The following DNM2 variants were observed in gnomAD, a reference collection of about 807,000 sequenced individuals.
DNM2 encodes dynamin-2.
Under a neutral mutation model 99.0 loss-of-function variants are expected in DNM2, and 15 were observed. The ratio of observed to expected loss-of-function variants is 0.15; its 90% CI spans 0.10 to 0.23. DNM2 has a LOEUF of 0.23. DNM2 is among the 10% of genes least tolerant of loss of function. DNM2 has a pLI of 1.00. For synonymous variants in DNM2, 525 were observed against 481.2 expected, an observed-to-expected ratio of 1.09 and a Z score of -1.19; for missense variants, 742 against 1,189.4, an observed-to-expected ratio of 0.62 and a Z score of 5.53.
At chr19:10,754,240 T>C (rs937598401) in intron 1 of DNM2, among the ~76,000 whole-genome samples, 1 of 152,060 alleles carries the variant, frequency 6.6e-6, no homozygotes, top group Non-Finnish European at 1.5e-5. Context: ...TTCAGTTAGA[T>C]ATAGTTAATC....
At chr19:10,782,889 T>C in intron 5 of DNM2, 71 bp from the exon 6 acceptor site, 1 of 1,606,452 alleles carries the variant, frequency 6.2e-7, no homozygotes. Context: ...TACTTGAATC[T>C]TGCCCATCCC....
At chr19:10,747,193 G>T (rs1009940645) in intron 1 of DNM2, among the ~76,000 whole-genome samples, 1 of 152,130 alleles carries the variant, frequency 6.6e-6, no homozygotes, top group African/African-American at 2.4e-5. Context: ...TCGATGGGGC[G>T]AATGTTCTCT....
intron 10 of DNM2, 59 bp from the exon 11 acceptor site, chr19:10,798,427 A>G: frequency 1.3e-6 from 2 of 1,486,888 alleles, no homozygotes; most frequent in African/African-American, 1.4e-5. Context: ...TGTGTGGTTC[A>G]TGTTGCTTCC....
intron 14 of DNM2, chr19:10,810,587 C>T (rs2072506195): frequency 6.6e-6 from 1 of 152,406 alleles, no homozygotes; most frequent in Non-Finnish European, 1.5e-5. Context: ...GCCCTGTGCT[C>T]CAGCTCTGAC....
At chr19:10,749,537 A>G (rs1302218959) in intron 1 of DNM2, among the ~76,000 whole-genome samples, 1 of 152,206 alleles carries the variant, frequency 6.6e-6, no homozygotes, top group East Asian at 1.9e-4. Flanking sequence ...TCTGTGGCAG[A>G]CTGGAAGTGT....
intron 15 of DNM2, among the ~76,000 whole-genome samples, chr19:10,813,437 A>G (rs565672192): frequency 5.5e-4 from 84 of 152,346 alleles, no homozygotes; most frequent in African/African-American, 1.7e-3. Flanking sequence ...AGAGTATGTA[A>G]TGATCACGGC....
At position 10,823,833 on chromosome 19, in the gene DNM2, C is replaced by T. The variant is rs371412466; in HGVS notation, c.1827C>T (p.Ser609=). The change falls in exon 17 of 21, where the codon TCC becomes TCT. Residue 609 remains serine, a synonymous_variant. Transcript: ENST00000389253. The part of the protein sequence containing the change: ...DLRQIELACD[S]QEDVDSWKAS... Reference sequence around the variant, plus strand: ...GGCAGATCGAGCTGGCCTGTGACTCCCAGGAAGACGTGGACAGCTGGAAGG... The same window carrying T: ...GGCAGATCGAGCTGGCCTGTGACTCTCAGGAAGACGTGGACAGCTGGAAGG... 33 of 1,613,838 alleles carry T rather than the reference C, an allele frequency of 2.0e-5. No homozygotes were observed. The African/African-American group carries it at 3.7e-4, about 18-fold the overall frequency.
intron 3 of DNM2, among the ~76,000 whole-genome samples, chr19:10,774,728 CTTT>C (rs34413054): frequency 8.2e-6 from 1 of 121,440 alleles, no homozygotes; most frequent in Non-Finnish European, 1.7e-5. Context: ...TTGGCCTATG[CTTT>C]TTTTTTTTTT....
Position 10,816,535 on chromosome 19 carries a change from C to G in DNM2, c.1672-3445C>G, listed in dbSNP as rs1449714025. ...CGCCTCAGGCACCTCTAGGAACTCA[C>G]GTGTCCAGATCGGATGGCTCCTCAA... On this transcript the variant is annotated intron_variant, in intron 15 of 20. Coordinates refer to ENST00000389253, the MANE Select transcript of DNM2 (RefSeq NM_001005361.3). This position sits in a 1 kb window ranked among gnomAD's most constrained non-coding sequence, Gnocchi z 4.6. Among the ~76,000 whole-genome samples, 1 of 152,142 alleles carries G rather than the reference C, an allele frequency of 6.6e-6. No individual in the cohort carries two copies. The highest frequency in any genetic ancestry group is 1.5e-5 in the Non-Finnish European group (1 of 68,030).
chr19:10,824,829 CA>C, intron 17 of DNM2: 1 of 608,462 alleles, frequency 1.6e-6, no homozygotes, highest in South Asian at 1.9e-5. Context: ...AACAAAAAAA[CA>C]ACGTTCCAAT....
In DNM2 at chr19:10,772,187, A is replaced by G. The variant is rs1294659435; in HGVS notation, c.236-292A>G. Among the ~76,000 whole-genome samples, 1 of 151,500 alleles carries G rather than the reference A, an allele frequency of 6.6e-6. No homozygotes were observed. The highest frequency in any genetic ancestry group is 2.4e-5 in the African/African-American group (1 of 41,194). On this transcript the variant is annotated intron_variant, in intron 2 of 20. Coordinates refer to ENST00000389253, the MANE Select transcript of DNM2 (RefSeq NM_001005361.3). The surrounding 1 kb of genome is among the most constrained non-coding windows in gnomAD (Gnocchi z 4.9). ...CTCCGCCTCCCGGGTTCAAGCAATT[A>G]TCCTGCCTCAGCCTCCTGAGTAGCT...
intron 5 of DNM2, 46 bp from the exon 6 acceptor site, chr19:10,782,914 T>A (rs1481366177): frequency 1.1e-5 from 18 of 1,613,340 alleles, no homozygotes; most frequent in Non-Finnish European, 1.5e-5. Flanking sequence ...CCAGGTCCAC[T>A]TGGCTCACCT....
intron 5 of DNM2, 129 bp downstream of exon 5, chr19:10,777,345 T>C: frequency 1.1e-6 from 1 of 882,670 alleles, no homozygotes; most frequent in Non-Finnish European, 1.8e-6. Context: ...TCCTTCTTTC[T>C]TTTCCCTTTG....
chr19:10,747,687 G>A (rs1442590693), intron 1 of DNM2, among the ~76,000 whole-genome samples: 1 of 152,220 alleles, frequency 6.6e-6, no homozygotes, highest in Non-Finnish European at 1.5e-5. Context: ...AGAGAGCAGA[G>A]AAGGGGCCGA....
At chr19:10,740,625 C>T (rs1202513237) in intron 1 of DNM2, among the ~76,000 whole-genome samples, 1 of 152,228 alleles carries the variant, frequency 6.6e-6, no homozygotes, top group Admixed American at 6.5e-5. Flanking sequence ...ATCCACCCAC[C>T]TCGGCCTCTT....
rs2146026442 is a variant in DNM2 at position 10,796,179 on chromosome 19, G to T, written c.1196+740G>T. On this transcript the variant is annotated intron_variant, in intron 9 of 20. Transcript: ENST00000389253. The surrounding 1 kb of genome is among the most constrained non-coding windows in gnomAD (Gnocchi z 5.6). ...GGTTATCCAGGAGCTAATCAATACA[G>T]TTAGGCAGTGTACCAGTAAGGTATT... The T allele has an allele frequency of 6.2e-7, 1 of 1,614,174 alleles. No homozygotes were observed. The highest frequency in any genetic ancestry group is 8.5e-7 in the Non-Finnish European group (1 of 1,180,040).
intron 5 of DNM2, among the ~76,000 whole-genome samples, chr19:10,779,531 G>T (rs1176546207): frequency 1.5e-4 from 2 of 12,914 alleles, no homozygotes; most frequent in Non-Finnish European, 3.7e-4. Context: ...TTTTTTTGAC[G>T]ATGTCTTATT....
At chr19:10,732,303 A>G (rs2069352974) in intron 1 of DNM2, among the ~76,000 whole-genome samples, 2 of 125,004 alleles carry the variant, frequency 1.6e-5, no homozygotes, top group Admixed American at 7.5e-5. Flanking sequence ...TGTGGAGAAA[A>G]AAAAAAAAAA....
chr19:10,802,350 G>T lies in DNM2; in HGVS notation c.1485G>T (p.Gly495=), dbSNP rs1272308250. 2 of 1,614,172 alleles carry T rather than the reference G, an allele frequency of 1.2e-6. No homozygotes were observed. Among genetic ancestry groups the T allele is most frequent in the Admixed American group, 3.3e-5 (2 of 60,022 alleles). ...YINTNHEDFI[G]FANAQQRSTQ... ...ACACGAACCATGAGGACTTCATCGG[G>T]TTTGCCAAGTAGGTACTTTTAGAGA... Residue 495 remains glycine (G), a synonymous_variant, in exon 12 of 21, where the codon GGG becomes GGT. Transcript: ENST00000389253.
Sources: allele counts gnomAD v4.1 joint callset (sites outside exome capture counted in the v4.1 genomes callset), GRCh38; gene constraint gnomAD v4.1.1; non-coding constraint Gnocchi (gnomAD v3.1); transcripts MANE v1.5; gene names NCBI Gene and HGNC (gene_info 2026-07-23, HGNC 2026-07-21).